KDM7A: variants seen among roughly 807,000 people sequenced by gnomAD.
The protein encoded by KDM7A is lysine demethylase 7A.
A neutral mutation model predicts 114.8 loss-of-function variants in KDM7A; 28 were observed. The observed-to-expected ratio is 0.24, with a 90% CI of 0.18 to 0.33. The LOEUF (loss-of-function observed/expected upper bound fraction) is 0.33. Ranked by LOEUF, KDM7A falls within the 10% of genes least tolerant of loss-of-function variation. The probability of loss-of-function intolerance (pLI) is 1.00; values close to 1 mark genes in which losing one functional copy is unlikely to be tolerated. For synonymous variants in KDM7A, 423 were observed against 397.8 expected (o/e 1.06, Z -0.75); for missense variants, 942 against 1,142.5 (o/e 0.82, Z 2.53).
chr7:140,097,511 A>G, intron 15 of KDM7A, 34 bp downstream of exon 15: 4 of 1,147,636 alleles, frequency 3.5e-6, no homozygotes, highest in Non-Finnish European at 5.2e-6. Flanking sequence ...TCTTTCCATC[A>G]AATAACGTAC....
chr7:140,092,295 G>A (rs530685383), intron 18 of KDM7A, among the ~76,000 whole-genome samples: 4 of 152,244 alleles, frequency 2.6e-5, no homozygotes, highest in South Asian at 2.1e-4. Context: ...TTAAGAAGGC[G>A]AAAGAGAGAG....
intron 1 of KDM7A, among the ~76,000 whole-genome samples, chr7:140,161,052 A>T (rs997508879): frequency 3.9e-5 from 6 of 152,256 alleles, no homozygotes; most frequent in African/African-American, 1.4e-4. Context: ...CGAAATAGGA[A>T]GAATGTAAGA....
At chr7:140,170,662 A>G (rs936247245) in intron 1 of KDM7A, among the ~76,000 whole-genome samples, 1 of 152,256 alleles carries the variant, frequency 6.6e-6, no homozygotes, top group Non-Finnish European at 1.5e-5. Flanking sequence ...CCAAACATCT[A>G]ATTAATTAGA....
intron 5 of KDM7A, among the ~76,000 whole-genome samples, 200 bp from the exon 6 acceptor site, chr7:140,127,023 G>A (rs1230454663): frequency 1.3e-5 from 2 of 152,184 alleles, no homozygotes; most frequent in Non-Finnish European, 2.9e-5. Context: ...GCAGTGGCGC[G>A]ATCCTGGCTC....
intron 1 of KDM7A, among the ~76,000 whole-genome samples, chr7:140,146,949 T>C (rs10237170): frequency 0.2 from 30,289 of 152,050 alleles, 3,762 homozygotes; most frequent in East Asian, 0.32. Flanking sequence ...GGTGGCCAAA[T>C]TCTTTCAGAT....
intron 1 of KDM7A, among the ~76,000 whole-genome samples, chr7:140,159,985 T>C (rs906581046): frequency 1.3e-5 from 2 of 151,508 alleles, no homozygotes; most frequent in East Asian, 3.9e-4. Flanking sequence ...TTTCTCTGTG[T>C]CTACTAGCCT....
chr7:140,176,812 G>A lies in KDM7A; in HGVS notation c.126C>T (p.Cys42=). The change falls in exon 1 of 20, where the codon TGC becomes TGT. Residue 42 remains cysteine, a synonymous_variant. Transcript: ENST00000397560. This position sits in a 1 kb window ranked among gnomAD's most constrained non-coding sequence, Gnocchi z 4.4. ...PPPPPPVYCV[C]RQPYDVNRFM... ...AGCGGTTCACGTCGTACGGCTGCCGGCACACACAGTACACGGGCGGGGGCG... is the reference window on the plus strand; with the variant it reads ...AGCGGTTCACGTCGTACGGCTGCCGACACACACAGTACACGGGCGGGGGCG... The A allele has an allele frequency of 2.8e-6, 4 of 1,409,726 alleles. No individual in the cohort carries two copies. Among genetic ancestry groups the A allele is most frequent in the Non-Finnish European group, 3.8e-6 (4 of 1,059,716 alleles). The allele number at this position is 1,409,726 out of a possible 1,614,324, so 87.3% of individuals were successfully genotyped here.
intron 1 of KDM7A, among the ~76,000 whole-genome samples, chr7:140,148,950 C>A (rs1794370694): frequency 6.6e-6 from 1 of 152,260 alleles, no homozygotes; most frequent in African/African-American, 2.4e-5. Context: ...GAAGTAAATG[C>A]ATACTCTGAA....
At chr7:140,126,476 G>GT (rs1818705016) in intron 6 of KDM7A, among the ~76,000 whole-genome samples, 161 bp downstream of exon 6, 1 of 143,020 alleles carries the variant, frequency 7.0e-6, no homozygotes, top group Non-Finnish European at 1.5e-5. Context: ...AAAAAAAATC[G>GT]TAACGTTTAA....
At chr7:140,129,399 T>C (rs1818752809) in intron 4 of KDM7A, 94 bp downstream of exon 4, 5 of 1,071,614 alleles carry the variant, frequency 4.7e-6, no homozygotes, top group Admixed American at 4.8e-5. Context: ...GAAAACTAAA[T>C]TGACATTTCT....
chr7:140,130,438 T>C (rs1472027217), intron 3 of KDM7A, among the ~76,000 whole-genome samples: 1 of 151,976 alleles, frequency 6.6e-6, no homozygotes, highest in Non-Finnish European at 1.5e-5. Flanking sequence ...CTGACCAACA[T>C]GGTGAAACCT....
intron 1 of KDM7A, among the ~76,000 whole-genome samples, chr7:140,175,683 C>A (rs956649900): frequency 2.6e-5 from 4 of 152,194 alleles, no homozygotes; most frequent in Admixed American, 2.6e-4. Context: ...CACGAGTCGG[C>A]GGCCTGGCTG....
At chr7:140,111,027 G>C (rs534303330) in intron 11 of KDM7A, 68 bp downstream of exon 11, 1 of 843,070 alleles carries the variant, frequency 1.2e-6, no homozygotes, top group Admixed American at 2.0e-5. Context: ...TGTAGAGAGT[G>C]GAATAGATCC....
intron 1 of KDM7A, among the ~76,000 whole-genome samples, chr7:140,139,484 T>C (rs753592528): frequency 3.0e-4 from 46 of 152,318 alleles, no homozygotes; most frequent in Middle Eastern, 3.4e-3. Flanking sequence ...AATGTCACTG[T>C]TATTAAATGT....
Position 140,087,575 on chromosome 7 carries a change from TAA to T in KDM7A, c.*3517_*3518del, listed in dbSNP as rs1375376452. 5 of 152,220 alleles carry T rather than the reference TAA, an allele frequency of 3.3e-5. No individual in the cohort carries two copies. Among genetic ancestry groups the T allele is most frequent in the Non-Finnish European group, 5.9e-5 (4 of 68,038 alleles). The allele number at this position is 152,220 out of a possible 1,614,324, so 9.4% of individuals were successfully genotyped here. On this transcript the variant is annotated 3_prime_UTR_variant, in exon 20 of 20. Transcript: ENST00000397560. The stretch of plus-strand genomic sequence containing the variant: ...TAAGTTCTCTGTATGTATGAAGTGT[TAA>T]GAGATTTTCTTAATTGATTATCATA...
At chr7:140,120,652 G>A in intron 7 of KDM7A, 123 bp from the exon 8 acceptor site, 1 of 603,158 alleles carries the variant, frequency 1.7e-6, no homozygotes, top group East Asian at 2.8e-5. Context: ...CAGTGCTAGA[G>A]AAGTTAATGT....
chr7:140,124,860 A>G, intron 6 of KDM7A, 77 bp from the exon 7 acceptor site: 1 of 778,752 alleles, frequency 1.3e-6, no homozygotes. Context: ...CAATTTCTCA[A>G]TACAATGATA....
At chr7:140,131,705 A>C (rs1452976736) in intron 3 of KDM7A, among the ~76,000 whole-genome samples, 1 of 152,190 alleles carries the variant, frequency 6.6e-6, no homozygotes, top group African/African-American at 2.4e-5. Context: ...CTTCAGTCTA[A>C]GGGAGAATTT....
chr7:140,132,359 T>G (rs1318165843), intron 3 of KDM7A, among the ~76,000 whole-genome samples: 4 of 151,688 alleles, frequency 2.6e-5, no homozygotes, highest in Admixed American at 6.6e-5. Flanking sequence ...TAGGCCAGTG[T>G]TTTTAACACT....
Sources: gnomAD v4.1 joint callset for allele counts (sites outside exome capture counted in the v4.1 genomes callset) on GRCh38, gnomAD v4.1.1 for gene constraint, Gnocchi (gnomAD v3.1) non-coding constraint, MANE v1.5 for transcripts, NCBI Gene and HGNC (gene_info 2026-07-23, HGNC 2026-07-21) for gene names.